AHNAK: variants seen among roughly 807,000 people sequenced by gnomAD.
AHNAK encodes AHNAK nucleoprotein.
A neutral mutation model predicts 37.8 loss-of-function variants in AHNAK; 23 were observed. That is an observed-to-expected ratio of 0.61 (90% CI 0.44 to 0.86). The LOEUF (loss-of-function observed/expected upper bound fraction) is 0.86. Among genes scored for constraint, AHNAK ranks in the 40% least tolerant of loss-of-function variants. The pLI is 0.00. For synonymous variants in AHNAK, 2,481 were observed against 2,636.3 expected (o/e 0.94, Z 1.80); for missense variants, 7,411 against 7,319.4 (o/e 1.01, Z -0.46).
intron 5 of AHNAK, among the ~76,000 whole-genome samples, chr11:62,475,681 C>T (rs1460767920): frequency 2.7e-5 from 4 of 146,400 alleles, no homozygotes; most frequent in Non-Finnish European, 4.4e-5. Flanking sequence ...CTCAGCTCAC[C>T]GAAACCTCTG....
In AHNAK at chr11:62,533,096, C is replaced by T. The variant is rs1239029015; in HGVS notation, c.1321G>A (p.Val441Ile). 2.5e-6 allele frequency: 4 copies of T among 1,594,000 alleles called. No individual in the cohort carries two copies. Among genetic ancestry groups the T allele is most frequent in the Non-Finnish European group, 3.4e-6 (4 of 1,172,412 alleles). ...GTTTCCTCTCCCTTTGCACCTGATA[C>T]AGAGAACTTGGGGACTTTCATCTTG... ...VPKMKVPKFS[V>I]SGAKGEETGI... is the part of the protein sequence containing the mutation. The change falls in exon 5 of 5, where the codon GTA (valine) becomes ATA (isoleucine). Residue 441 changes from valine (V) to isoleucine (I), a missense_variant. Coordinates refer to ENST00000378024, the MANE Select transcript of AHNAK (RefSeq NM_001620.3).
In AHNAK at chr11:62,517,646, T is replaced by A; in HGVS notation, c.16771A>T (p.Lys5591Ter). The change falls in exon 5 of 5, where the codon AAA becomes TAA. Residue 5591 changes from lysine (K) to a stop codon, truncating the protein, a stop_gained. Transcript: ENST00000378024. LOFTEE classifies it high-confidence loss of function. ...CCCTTCCACTCACCCCCGGAACCTT[T>A]AACACTCAAATGCCCTTCACCAAGG... ...ISLGEGHLSV[K>*]GSGGEWKGPQ... 1 of 1,614,134 alleles carries A rather than the reference T, an allele frequency of 6.2e-7. No homozygotes were observed. The highest frequency in any genetic ancestry group is 8.5e-7 in the Non-Finnish European group (1 of 1,180,036).
chr11:62,527,002 T>C lies in AHNAK; in HGVS notation c.7415A>G (p.Asp2472Gly). 2.5e-6 allele frequency: 4 copies of C among 1,614,006 alleles called. No homozygotes were observed. Among genetic ancestry groups the C allele is most frequent in the Non-Finnish European group, 3.4e-6 (4 of 1,179,950 alleles). ...LKGPKIKGDV[D>G]VSVPEVEGKL... The stretch of plus-strand genomic sequence containing the variant: ...ACCTTCTACCTCAGGCACAGACACA[T>C]CCACATCCCCCTTGATTTTGGGTCC... Residue 2472 changes from aspartate (D) to glycine (G), a missense_variant, in exon 5 of 5, where the codon GAT (aspartate) becomes GGT (glycine). Physicochemically the swap from Asp to Gly is moderately conservative, Grantham distance 94. Coordinates refer to ENST00000378024, the MANE Select transcript of AHNAK (RefSeq NM_001620.3).
rs754045861 is a variant in AHNAK, at chr11:62,526,944, G to T, written c.7473C>A (p.Gly2491=). The T allele has an allele frequency of 1.9e-6, 3 of 1,614,082 alleles. No homozygotes were observed. Among genetic ancestry groups the T allele is most frequent in the South Asian group, 1.1e-5 (1 of 91,078 alleles). The change falls in exon 5 of 5, where the codon GGC becomes GGA. Residue 2491 remains glycine (G), a synonymous_variant. Coordinates refer to ENST00000378024, the MANE Select transcript of AHNAK (RefSeq NM_001620.3). Reference sequence around the variant, plus strand: ...CGGGGGCATTTACATCAACTTTGGGGCCCCTGATGTTCATATCTGGTACTT... The same window carrying T: ...CGGGGGCATTTACATCAACTTTGGGTCCCCTGATGTTCATATCTGGTACTT... The part of the protein sequence containing the change: ...KLEVPDMNIR[G]PKVDVNAPDV...
chr11:62,435,635 G>A (rs1461940058), intron 5 of AHNAK, among the ~76,000 whole-genome samples: 1 of 152,070 alleles, frequency 6.6e-6, no homozygotes, highest in Non-Finnish European at 1.5e-5. Context: ...GGATGGTCTC[G>A]ATCTCCTGAC....
At chr11:62,534,615 G>A (rs372546897) in intron 4 of AHNAK, among the ~76,000 whole-genome samples, 80 of 152,304 alleles carry the variant, frequency 5.3e-4, no homozygotes, top group East Asian at 1.2e-3. Context: ...GCTGCCCAGC[G>A]TCTGACCCAC....
intron 3 of AHNAK, 40 bp from the exon 4 acceptor site, chr11:62,535,230 G>C (rs778279210): frequency 6.3e-7 from 1 of 1,576,576 alleles, no homozygotes; most frequent in Non-Finnish European, 8.7e-7. Context: ...GGCCCAAAGA[G>C]CCTCAGGGAA....
At chr11:62,508,594 G>C (rs1239862157) in intron 4 of AHNAK, among the ~76,000 whole-genome samples, 1 of 152,194 alleles carries the variant, frequency 6.6e-6, no homozygotes, top group Non-Finnish European at 1.5e-5. Flanking sequence ...AATAACAGAG[G>C]CATTTAAAGG....
At chr11:62,450,459 C>T (rs1047137477) in intron 5 of AHNAK, among the ~76,000 whole-genome samples, 1 of 152,164 alleles carries the variant, frequency 6.6e-6, no homozygotes, top group African/African-American at 2.4e-5. Context: ...CCCCAAAGTA[C>T]TGGGATTAAA....
intron 5 of AHNAK, among the ~76,000 whole-genome samples, chr11:62,475,461 G>C (rs1032003900): frequency 1.9e-4 from 29 of 152,260 alleles, no homozygotes; most frequent in African/African-American, 7.0e-4. Flanking sequence ...GGAGCTAAAT[G>C]ATGAGCACTC....
chr11:62,477,533 C>T (rs914395321), intron 5 of AHNAK, among the ~76,000 whole-genome samples: 2 of 152,108 alleles, frequency 1.3e-5, no homozygotes, highest in South Asian at 2.1e-4. Flanking sequence ...GGGCAAGTGC[C>T]GTGGCTCACG....
intron 4 of AHNAK, among the ~76,000 whole-genome samples, chr11:62,510,777 A>G (rs1478950861): frequency 6.6e-6 from 1 of 151,842 alleles, no homozygotes. Flanking sequence ...ATATATATAT[A>G]TGTATATGTA....
Position 62,519,906 on chromosome 11 carries a change from G to A in AHNAK, c.14511C>T (p.Phe4837=), listed in dbSNP as rs1206996365. The change falls in exon 5 of 5, where the codon TTC becomes TTT. Residue 4837 remains phenylalanine, a synonymous_variant. Transcript: ENST00000378024. Reference sequence around the variant, plus strand: ...CTTTGATATTTATTTCAGGCATCTTGAACTTGGGGCCCTTCAGTTTTGCGT... The same window carrying A: ...CTTTGATATTTATTTCAGGCATCTTAAACTTGGGGCCCTTCAGTTTTGCGT... ...GPDAKLKGPK[F]KMPEINIKAP... 6.2e-7 allele frequency: 1 copy of A among 1,613,950 alleles called. No individual in the cohort carries two copies. The highest frequency in any genetic ancestry group is 1.7e-5 in the Admixed American group (1 of 60,010).
chr11:62,495,582 A>G (rs918836528), intron 4 of AHNAK, among the ~76,000 whole-genome samples: 1 of 150,858 alleles, frequency 6.6e-6, no homozygotes, highest in Non-Finnish European at 1.5e-5. Context: ...AATACAAAAA[A>G]AAAAACATTA....
At chr11:62,454,729 G>C (rs916133311) in intron 5 of AHNAK, among the ~76,000 whole-genome samples, 7 of 152,058 alleles carry the variant, frequency 4.6e-5, no homozygotes, top group African/African-American at 1.7e-4. Flanking sequence ...GGGAGGAGAA[G>C]AGGAAGAAGA....
rs754986608 is a variant in AHNAK, at chr11:62,521,415, T to C, written c.13002A>G (p.Pro4334=). 1 of 1,613,932 alleles carries C rather than the reference T, an allele frequency of 6.2e-7. No individual in the cohort carries two copies. The highest frequency in any genetic ancestry group is 8.5e-7 in the Non-Finnish European group (1 of 1,179,998). ...FSMPGFKGEG[P]DVDVTLPKAD... ...CCTTAGGAAGGGTAACATCCACATC[T>C]GGGCCCTCTCCTTTGAATCCTGGCA... Residue 4334 remains proline (P), a synonymous_variant, in exon 5 of 5, where the codon CCA becomes CCG. Transcript: ENST00000378024.
chr11:62,528,405 T>G lies in AHNAK; in HGVS notation c.6012A>C (p.Lys2004Asn), dbSNP rs1185551405. ...TGGGCACAGACACATCCATATCCCC[T>G]TTGACTTTGGGGCCTTTCAGGTGTA... Reference protein sequence around the residue: ...VDLHLKGPKVKGDMDVSVPKV... With the variant: ...VDLHLKGPKVNGDMDVSVPKV... The change falls in exon 5 of 5, where the codon AAA becomes AAC. Residue 2004 changes from lysine to asparagine, a missense_variant. Transcript: ENST00000378024. The G allele has an allele frequency of 6.2e-7, 1 of 1,613,308 alleles. No homozygotes were observed. The highest frequency in any genetic ancestry group is 1.3e-5 in the African/African-American group (1 of 74,648).
chr11:62,440,854 T>TATAAAG (rs1938291983), intron 5 of AHNAK, among the ~76,000 whole-genome samples: 1 of 152,170 alleles, frequency 6.6e-6, no homozygotes, highest in Non-Finnish European at 1.5e-5. Flanking sequence ...CCAGACACTA[T>TATAAAG]TTCTAAACAC....
chr11:62,540,997 G>A (rs1319988530), intron 1 of AHNAK, among the ~76,000 whole-genome samples: 1 of 152,230 alleles, frequency 6.6e-6, no homozygotes, highest in Admixed American at 6.5e-5. Context: ...ACCTCCAGAG[G>A]AGCCTCCTTC....
Sources: gnomAD v4.1 joint callset for allele counts (sites outside exome capture counted in the v4.1 genomes callset) on GRCh38, gnomAD v4.1.1 for gene constraint, MANE v1.5 for transcripts, NCBI Gene and HGNC (gene_info 2026-07-23, HGNC 2026-07-21) for gene names.